The following APBA2 variants were observed in gnomAD, a reference collection of about 807,000 sequenced individuals.
APBA2 encodes the protein amyloid-beta A4 precursor protein-binding family A member 2.
In APBA2, 30 loss-of-function variants were observed where a neutral mutation model predicts 75.0. The ratio of observed to expected loss-of-function variants is 0.40; its 90% CI spans 0.30 to 0.54. The LOEUF (loss-of-function observed/expected upper bound fraction) is 0.54, where lower values mean the gene tolerates loss of function less well. Ranked by LOEUF, APBA2 falls within the 20% of genes least tolerant of loss-of-function variation. The pLI, the probability that APBA2 is intolerant of heterozygous loss-of-function variation, is 0.49. For missense variants in APBA2, 801 were observed against 1,016.1 expected (o/e 0.79, Z 2.88); for synonymous variants, 444 against 409.6 (o/e 1.08, Z -1.01).
rs1011986527 is a variant in APBA2 at position 29,106,012 on chromosome 15, G to C, written c.1704+454G>C. Among the ~76,000 whole-genome samples the C allele has an allele frequency of 1.8e-4, 28 of 152,232 alleles. 1 individual carries two copies. The highest frequency in any genetic ancestry group is 1.4e-3 in the Admixed American group (22 of 15,288). On this transcript the variant is annotated intron_variant, in intron 11 of 14. Coordinates refer to ENST00000683413, the MANE Select transcript of APBA2 (RefSeq NM_001353788.2). Reference sequence around the variant, plus strand: ...ATTCCCTGGGGATGGCCCATACCTGGACTGTTTGTTAAATGGCTGAATGAT... The same window carrying C: ...ATTCCCTGGGGATGGCCCATACCTGCACTGTTTGTTAAATGGCTGAATGAT...
At chr15:28,957,370 C>T (rs555933193) in intron 2 of APBA2, among the ~76,000 whole-genome samples, 14 of 152,292 alleles carry the variant, frequency 9.2e-5, no homozygotes, top group African/African-American at 2.6e-4. Flanking sequence ...TGAGCTACTG[C>T]GCCCGGCCTG....
At chr15:29,111,226 G>T (rs2044711912) in intron 13 of APBA2, among the ~76,000 whole-genome samples, 1 of 151,986 alleles carries the variant, frequency 6.6e-6, no homozygotes, top group Admixed American at 6.5e-5. Flanking sequence ...TGTGAAACTT[G>T]GGGGGTGGTC....
At chr15:29,096,593 C>T (rs1243620786) in intron 8 of APBA2, among the ~76,000 whole-genome samples, 3 of 152,272 alleles carry the variant, frequency 2.0e-5, no homozygotes, top group Admixed American at 2.0e-4. Context: ...CAACTCCTTT[C>T]TCTTTCTAAT....
At chr15:28,906,750 C>T (rs143528611) in intron 1 of APBA2, among the ~76,000 whole-genome samples, 5 of 152,310 alleles carry the variant, frequency 3.3e-5, no homozygotes, top group African/African-American at 1.2e-4. Context: ...TTGTGAATGA[C>T]AACAAGCTGC....
chr15:29,053,848 C>CAG lies in APBA2; in HGVS notation c.-37_-36insAG. ...TTCCCAATGTTCCTCCCCACAGTGG[C>CAG]TGCCTCCGGGTGATGATGGCTGTGT... is the stretch of plus-strand genomic sequence containing the variant. On this transcript the variant is annotated 5_prime_UTR_variant, in exon 4 of 15. Transcript: ENST00000683413. 1 of 1,581,862 alleles carries CAG rather than the reference C, an allele frequency of 6.3e-7. No individual in the cohort carries two copies.
At chr15:29,098,874 A>G (rs1427868572) in intron 9 of APBA2, among the ~76,000 whole-genome samples, 1 of 152,196 alleles carries the variant, frequency 6.6e-6, no homozygotes, top group African/African-American at 2.4e-5. Context: ...CAGAGGAGGC[A>G]GCAGCCCCCA....
chr15:28,946,764 A>G (rs1384850997), intron 2 of APBA2, among the ~76,000 whole-genome samples: 1 of 152,130 alleles, frequency 6.6e-6, no homozygotes, highest in Non-Finnish European at 1.5e-5. Context: ...TTTTTTGTAA[A>G]GATAAGGTCT....
chr15:29,095,997 C>T (rs1024598029), intron 8 of APBA2, among the ~76,000 whole-genome samples: 3 of 152,180 alleles, frequency 2.0e-5, no homozygotes, highest in South Asian at 2.1e-4. Flanking sequence ...GAGTCGCTGC[C>T]GCCTTTAGAG....
At chr15:29,069,481 A>G (rs2042524649) in intron 4 of APBA2, among the ~76,000 whole-genome samples, 1 of 152,234 alleles carries the variant, frequency 6.6e-6, no homozygotes, top group Non-Finnish European at 1.5e-5. Context: ...CCAGCAATGC[A>G]TGAGGGTTCT....
intron 10 of APBA2, 112 bp downstream of exon 10, chr15:29,101,896 C>G: frequency 9.3e-7 from 1 of 1,070,958 alleles, no homozygotes; most frequent in Non-Finnish European, 1.4e-6. Context: ...CATGCTGTTA[C>G]TGATGTTTCC....
At chr15:29,063,693 G>C (rs915714001) in intron 4 of APBA2, among the ~76,000 whole-genome samples, 6 of 151,564 alleles carry the variant, frequency 4.0e-5, no homozygotes, top group Middle Eastern at 3.4e-3. Context: ...ATGGTGCGGG[G>C]CATGGAGTGC....
At chr15:28,993,750 G>A (rs937063379) in intron 2 of APBA2, among the ~76,000 whole-genome samples, 3 of 152,198 alleles carry the variant, frequency 2.0e-5, no homozygotes, top group African/African-American at 7.2e-5. Context: ...CTGGAGACTC[G>A]CAGACTCTGG....
intron 2 of APBA2, among the ~76,000 whole-genome samples, chr15:28,947,079 G>A (rs2035590677): frequency 6.6e-6 from 1 of 152,304 alleles, no homozygotes; most frequent in South Asian, 2.1e-4. Flanking sequence ...CTATGTCATC[G>A]TCCCTCTTTT....
At chr15:28,995,030 GC>G (rs2038439286) in intron 2 of APBA2, among the ~76,000 whole-genome samples, 1 of 152,110 alleles carries the variant, frequency 6.6e-6, no homozygotes, top group Non-Finnish European at 1.5e-5. Context: ...ATGTGATGTT[GC>G]AGACAATTGA....
intron 1 of APBA2, among the ~76,000 whole-genome samples, chr15:28,901,945 T>TGTGTGTGTGTGTGTG (rs546149569): frequency 5.4e-4 from 76 of 140,768 alleles, no homozygotes; most frequent in African/African-American, 6.7e-4. Context: ...TGTGTGTATG[T>TGTGTGTGTGTGTGTG]TGGGGGTCTG....
chr15:28,944,523 C>T (rs138173288), intron 2 of APBA2, among the ~76,000 whole-genome samples: 88 of 152,348 alleles, frequency 5.8e-4, no homozygotes, highest in Middle Eastern at 3.4e-3. Flanking sequence ...ACTCGCTCCT[C>T]GCAATACTGG....
Position 28,902,022 on chromosome 15 carries a change from A to T in APBA2, c.-205+15744A>T, listed in dbSNP as rs552512955. On this transcript the variant is annotated intron_variant, in intron 1 of 14. Coordinates refer to ENST00000683413, the MANE Select transcript of APBA2 (RefSeq NM_001353788.2). ...GCGAGGTATGGCAACAGGAGGGAAG[A>T]TTCAGGCCTGAGTGAAGCAGGCATC... is the stretch of plus-strand genomic sequence containing the variant. 9.9e-5 allele frequency among the ~76,000 whole-genome samples: 15 copies of T among 150,904 alleles called. 1 individual carries two copies. The highest frequency in any genetic ancestry group is 1.9e-4 in the Non-Finnish European group (13 of 67,804).
intron 2 of APBA2, among the ~76,000 whole-genome samples, chr15:28,987,679 G>T (rs2152777533): frequency 6.8e-6 from 1 of 147,184 alleles, no homozygotes; most frequent in Middle Eastern, 3.6e-3. Context: ...CAAAGAGAAA[G>T]GAATTAGGTT....
intron 3 of APBA2, among the ~76,000 whole-genome samples, chr15:29,007,848 G>A (rs945838818): frequency 5.3e-5 from 8 of 152,172 alleles, no homozygotes; most frequent in South Asian, 2.1e-4. Flanking sequence ...TAGAATTGCC[G>A]TGGAATCTAG....
Sources: allele counts gnomAD v4.1 joint callset (sites outside exome capture counted in the v4.1 genomes callset), GRCh38; gene constraint gnomAD v4.1.1; transcripts MANE v1.5; gene names NCBI Gene and HGNC (gene_info 2026-07-23, HGNC 2026-07-21).